The following DUSP26 variants were observed in gnomAD, a reference collection of about 807,000 sequenced individuals.
The protein encoded by DUSP26 is dual specificity protein phosphatase 26.
A neutral mutation model predicts 20.0 loss-of-function variants in DUSP26; 12 were observed. The ratio of observed to expected loss-of-function variants is 0.60; its 90% CI spans 0.38 to 0.97. The LOEUF (loss-of-function observed/expected upper bound fraction) is 0.97. DUSP26 is among the 50% of genes least tolerant of loss of function. The pLI is 0.00. For missense variants in DUSP26, 230 were observed against 294.0 expected, an observed-to-expected ratio of 0.78 and a Z score of 1.59; for synonymous variants, 120 against 118.8, an observed-to-expected ratio of 1.01 and a Z score of -0.06.
chr8:33,595,118 C>T (rs930169035), intron 2 of DUSP26, among the ~76,000 whole-genome samples: 15 of 152,074 alleles, frequency 9.9e-5, no homozygotes, highest in Admixed American at 2.0e-4. Flanking sequence ...TTTCCTGTCC[C>T]TGGGGTATTC....
Position 33,593,703 on chromosome 8 carries a change from G to A in DUSP26, c.266C>T (p.Thr89Met), listed in dbSNP as rs751095027. 10 of 1,614,098 alleles carry A rather than the reference G, an allele frequency of 6.2e-6. No homozygotes were observed. Among genetic ancestry groups the A allele is most frequent in the Admixed American group, 5.0e-5 (3 of 60,008 alleles). Residue 89 changes from threonine to methionine, a missense_variant, in exon 3 of 4, where the codon ACG (threonine) becomes ATG (methionine). Coordinates refer to ENST00000256261, the MANE Select transcript of DUSP26 (RefSeq NM_024025.3). ...GCTGTGTGAGGCATTGAGGACGTGCGTGATGCCCAGGCGGCGAAGCTCCCG... is the reference window on the plus strand; with the variant it reads ...GCTGTGTGAGGCATTGAGGACGTGCATGATGCCCAGGCGGCGAAGCTCCCG... ...NRRELRRLGITHVLNASHSRW... is the reference protein window; with the variant it reads ...NRRELRRLGIMHVLNASHSRW...
rs190784475 is a variant in DUSP26 at position 33,599,994 on chromosome 8, T to C, written c.-406A>G. The stretch of plus-strand genomic sequence containing the variant: ...CCCCAGCAGCACCGCCTGGAATGCA[T>C]GCGTGTGTTCTCAGAGCTGCACCAA... On this transcript the variant is annotated 5_prime_UTR_variant, in exon 1 of 4. An upstream start codon of the reference 5' UTR is lost. Coordinates refer to ENST00000256261, the MANE Select transcript of DUSP26 (RefSeq NM_024025.3). 1 of 152,264 alleles carries C rather than the reference T, an allele frequency of 6.6e-6. No individual in the cohort carries two copies. Among genetic ancestry groups the C allele is most frequent in the African/African-American group, 2.4e-5 (1 of 41,464 alleles). The allele number at this position is 152,264 out of a possible 1,614,324, so 9.4% of individuals were successfully genotyped here. A position where few individuals can be genotyped will look rare whatever the true frequency, so the allele number is the denominator to read the frequency against.
rs1455100583 is a variant in DUSP26, at chr8:33,597,574, G to T, written c.-59C>A. Reference sequence around the variant, plus strand: ...AGTGGCTGTGGTGATGATGGGTTCAGTTGCCAGGTAGCTGCTGCTGGAAGA... The same window carrying T: ...AGTGGCTGTGGTGATGATGGGTTCATTTGCCAGGTAGCTGCTGCTGGAAGA... On this transcript the variant is annotated 5_prime_UTR_variant, in exon 2 of 4. The change creates a new upstream start codon in the 5' untranslated region. Transcript: ENST00000256261. 3 of 1,471,260 alleles carry T rather than the reference G, an allele frequency of 2.0e-6. No individual in the cohort carries two copies. Among genetic ancestry groups the T allele is most frequent in the Non-Finnish European group, 2.8e-6 (3 of 1,080,022 alleles). 91.1% of individuals were successfully genotyped at this position (1,471,260 alleles called of 1,614,324 possible). A position where few individuals can be genotyped will look rare whatever the true frequency, so the allele number is the denominator to read the frequency against.
chr8:33,594,670 C>G (rs776066557), intron 2 of DUSP26, among the ~76,000 whole-genome samples: 3 of 151,154 alleles, frequency 2.0e-5, no homozygotes, highest in Non-Finnish European at 4.4e-5. Context: ...GTAGGGTTCT[C>G]AAGGGTACAA....
At chr8:33,597,027 C>T (rs1247393929) in intron 2 of DUSP26, among the ~76,000 whole-genome samples, 2 of 151,976 alleles carry the variant, frequency 1.3e-5, no homozygotes, top group African/African-American at 4.8e-5. Context: ...TCTAGAACTC[C>T]TGTACTCTAG....
intron 3 of DUSP26, among the ~76,000 whole-genome samples, chr8:33,592,785 G>A (rs368936711): frequency 6.6e-5 from 10 of 152,160 alleles, no homozygotes; most frequent in African/African-American, 2.2e-4. Flanking sequence ...TTTGCATAGA[G>A]TAGCGTGAAT....
rs778092027 is a variant in DUSP26 at position 33,597,464 on chromosome 8, A to C, written c.52T>G (p.Ser18Ala). ...WASMTFMARFSRSSSRSPVRT... is the reference protein window; with the variant it reads ...WASMTFMARFARSSSRSPVRT... ...ACAGGAGACCTTGAGCTACTCCGGG[A>C]GAAGCGGGCCATAAAAGTCATAGAA... is the stretch of plus-strand genomic sequence containing the variant. The change falls in exon 2 of 4, where the codon TCC becomes GCC. Residue 18 changes from serine to alanine, a missense_variant. Transcript: ENST00000256261. 5.0e-6 allele frequency: 8 copies of C among 1,613,948 alleles called. No individual in the cohort carries two copies. The Admixed American group carries it at 1.3e-4, about 27-fold the overall frequency.
rs1454870096 is a variant in DUSP26 at position 33,593,690 on chromosome 8, A to T, written c.279T>A (p.Asn93Lys). The T allele has an allele frequency of 6.2e-7, 1 of 1,614,184 alleles. No homozygotes were observed. Among genetic ancestry groups the T allele is most frequent in the Non-Finnish European group, 8.5e-7 (1 of 1,180,022 alleles). ...TGCCTCGCCACCGGCTGTGTGAGGC[A>T]TTGAGGACGTGCGTGATGCCCAGGC... ...LRRLGITHVL[N>K]ASHSRWRGTP... The change falls in exon 3 of 4, where the codon AAT (asparagine) becomes AAA (lysine). Residue 93 changes from asparagine to lysine, a missense_variant. Physicochemically the swap from Asn to Lys is moderately conservative, Grantham distance 94 (BLOSUM62 0). Coordinates refer to ENST00000256261, the MANE Select transcript of DUSP26 (RefSeq NM_024025.3).
intron 2 of DUSP26, among the ~76,000 whole-genome samples, chr8:33,596,134 A>G (rs1811138562): frequency 6.6e-6 from 1 of 152,106 alleles, no homozygotes; most frequent in South Asian, 2.1e-4. Flanking sequence ...AAATACAAAA[A>G]TCAGCTGTGT....
At chr8:33,597,801 C>T (rs1489954591) in intron 1 of DUSP26, 1 of 348,458 alleles carries the variant, frequency 2.9e-6, no homozygotes, top group Non-Finnish European at 5.3e-6. Flanking sequence ...GGGAGAGTCA[C>T]ATGTCCTTGT....
At chr8:33,596,506 C>T (rs1051846590) in intron 2 of DUSP26, among the ~76,000 whole-genome samples, 4 of 152,008 alleles carry the variant, frequency 2.6e-5, no homozygotes, top group African/African-American at 4.8e-5. Flanking sequence ...CGCTTGAACC[C>T]GGGAGGTGGA....
chr8:33,593,129 G>A (rs1379462678), intron 3 of DUSP26, among the ~76,000 whole-genome samples: 1 of 152,100 alleles, frequency 6.6e-6, no homozygotes, highest in East Asian at 1.9e-4. Context: ...AAAATTAGCT[G>A]GATGTGGTGG....
In DUSP26 at chr8:33,592,213, C is replaced by T. The variant is rs1160302184; in HGVS notation, c.437-1G>A. The T allele has an allele frequency of 6.2e-7, 1 of 1,600,720 alleles. No homozygotes were observed. Among genetic ancestry groups the T allele is most frequent in the Non-Finnish European group, 8.5e-7 (1 of 1,174,026 alleles). ...ACAGCACAATGCACCAGGATCTTCC[C>T]TGAGAGGAGAGACACAGAGAGAGCT... On this transcript the variant is annotated splice_acceptor_variant, in intron 3 of 3. Transcript: ENST00000256261. LOFTEE classifies it high-confidence loss of function.
intron 3 of DUSP26, 87 bp downstream of exon 3, chr8:33,593,446 C>T (rs1405805969): frequency 1.4e-6 from 2 of 1,449,928 alleles, no homozygotes; most frequent in Non-Finnish European, 1.9e-6. Flanking sequence ...TGTCATGTCA[C>T]TAAAATCTCA....
chr8:33,597,472 G>A lies in DUSP26; in HGVS notation c.44C>T (p.Ala15Val), dbSNP rs376109344. The A allele has an allele frequency of 3.7e-6, 6 of 1,613,826 alleles. No individual in the cohort carries two copies. The highest frequency in any genetic ancestry group is 1.7e-4 in the Middle Eastern group (1 of 6,036). The change falls in exon 2 of 4, where the codon GCC becomes GTC. Residue 15 changes from alanine (A) to valine (V), a missense_variant. Ala to Val is a moderately conservative substitution (Grantham distance 64, BLOSUM62 0). Coordinates refer to ENST00000256261, the MANE Select transcript of DUSP26 (RefSeq NM_024025.3). ...CCTTGAGCTACTCCGGGAGAAGCGGGCCATAAAAGTCATAGAAGCCCAAAG... is the reference window on the plus strand; with the variant it reads ...CCTTGAGCTACTCCGGGAGAAGCGGACCATAAAAGTCATAGAAGCCCAAAG... ...NWLWASMTFM[A>V]RFSRSSSRSP...
Position 33,597,302 on chromosome 8 carries a change from C to T in DUSP26, c.214G>A (p.Gly72Arg), listed in dbSNP as rs372186090. Residue 72 changes from glycine (G) to arginine (R), a missense_variant, in exon 2 of 4, where the codon GGA becomes AGA. Coordinates refer to ENST00000256261, the MANE Select transcript of DUSP26 (RefSeq NM_024025.3). ...ADEVWPGLYL[G>R]DQDMANNRRE... is the part of the protein sequence containing the mutation. The stretch of plus-strand genomic sequence containing the variant: ...AGTCTGCCCGATACATACTGGTCTC[C>T]GAGATAGAGGCCTGGCCAGACCTCG... 1.2e-5 allele frequency: 20 copies of T among 1,611,216 alleles called. No homozygotes were observed. The highest frequency in any genetic ancestry group is 6.7e-5 in the East Asian group (3 of 44,848).
chr8:33,595,380 G>GT (rs534229413), intron 2 of DUSP26, among the ~76,000 whole-genome samples: 10,588 of 143,184 alleles, frequency 0.074, 686 homozygotes, highest in African/African-American at 0.17. Context: ...GTTGTTGTTT[G>GT]TTTTTTTTTT....
At chr8:33,598,864 G>T (rs1046942046) in intron 1 of DUSP26, among the ~76,000 whole-genome samples, 1 of 152,126 alleles carries the variant, frequency 6.6e-6, no homozygotes, top group Non-Finnish European at 1.5e-5. Flanking sequence ...CTGCCAGGGG[G>T]ACTTCAACTC....
In DUSP26 at chr8:33,597,367, C is replaced by A; in HGVS notation, c.149G>T (p.Arg50Leu). ...GGCTGTCTTGCCTGTGTAGAGGAGC[C>A]GCTCCAACTCGAAGACATTGAGGAA... ...HPFLNVFELERLLYTGKTACN... is the reference protein window; with the variant it reads ...HPFLNVFELELLLYTGKTACN... The change falls in exon 2 of 4, where the codon CGG (arginine) becomes CTG (leucine). Residue 50 changes from arginine (R) to leucine (L), a missense_variant. Physicochemically the swap from Arg to Leu is moderately radical, Grantham distance 102 (BLOSUM62 -2). Transcript: ENST00000256261. 1 of 1,614,028 alleles carries A rather than the reference C, an allele frequency of 6.2e-7. No individual in the cohort carries two copies. Among genetic ancestry groups the A allele is most frequent in the Non-Finnish European group, 8.5e-7 (1 of 1,180,026 alleles).
Sources: allele counts gnomAD v4.1 joint callset (sites outside exome capture counted in the v4.1 genomes callset), GRCh38; gene constraint gnomAD v4.1.1; transcripts MANE v1.5; gene names NCBI Gene and HGNC (gene_info 2026-07-23, HGNC 2026-07-21).